The following PTPN21 variants were observed in gnomAD, a reference collection of about 807,000 sequenced individuals.
The protein encoded by PTPN21 is protein tyrosine phosphatase non-receptor type 21, also known as tyrosine-protein phosphatase non-receptor type 21.
In PTPN21, 77 loss-of-function variants were observed where a neutral mutation model predicts 131.8. That is an observed-to-expected ratio of 0.58 (90% CI 0.49 to 0.71). The LOEUF is 0.71. Ranked by LOEUF, PTPN21 falls within the 30% of genes least tolerant of loss-of-function variation. The pLI is 0.00. For synonymous variants in PTPN21, 715 were observed against 621.3 expected (o/e 1.15, Z -2.24); for missense variants, 1,552 against 1,527.1 (o/e 1.02, Z -0.27).
intron 2 of PTPN21, among the ~76,000 whole-genome samples, chr14:88,529,346 G>A (rs2078522449): frequency 6.6e-6 from 1 of 151,972 alleles, no homozygotes; most frequent in Admixed American, 6.6e-5. Context: ...TTATCTTTTT[G>A]ATATGGTGTT....
At chr14:88,472,491 C>T (rs1356713158) in intron 14 of PTPN21, 26 bp from the exon 15 acceptor site, 2 of 1,432,142 alleles carry the variant, frequency 1.4e-6, no homozygotes, top group Non-Finnish European at 2.0e-6. Flanking sequence ...TGTGTAATAA[C>T]ATGAATACAG....
intron 12 of PTPN21, among the ~76,000 whole-genome samples, chr14:88,483,903 G>C (rs1436139373): frequency 6.6e-6 from 1 of 152,162 alleles, no homozygotes; most frequent in Non-Finnish European, 1.5e-5. Context: ...GAAAGGCAGA[G>C]GCAGGAGGAT....
In PTPN21 at chr14:88,466,933, T is replaced by C. The variant is rs1482816929; in HGVS notation, c.*1204A>G. ...TCTTTAAGGCTTCTTTTAATGATACTATAATGCTGAATTTATTTATGAAAA... is the reference window on the plus strand; with the variant it reads ...TCTTTAAGGCTTCTTTTAATGATACCATAATGCTGAATTTATTTATGAAAA... On this transcript the variant is annotated 3_prime_UTR_variant, in exon 19 of 19. Coordinates refer to ENST00000556564, the MANE Select transcript of PTPN21 (RefSeq NM_007039.4). The C allele has an allele frequency of 6.6e-6, 1 of 152,186 alleles. No homozygotes were observed. The highest frequency in any genetic ancestry group is 2.4e-5 in the African/African-American group (1 of 41,444). The allele number at this position is 152,186 out of a possible 1,614,324, so 9.4% of individuals were successfully genotyped here.
Position 88,485,146 on chromosome 14 carries a change from G to A in PTPN21, c.1008C>T (p.Pro336=), listed in dbSNP as rs752814622. ...SSRMSLPKPQ[P]YVMPPPPQLH... The stretch of plus-strand genomic sequence containing the variant: ...ACTGCGGTGGGGGAGGCATCACGTA[G>A]GGCTGGGGTTTAGGCTAAGAAATGG... Residue 336 remains proline, a synonymous_variant, in exon 12 of 19, where the codon CCC becomes CCT. Transcript: ENST00000556564. The A allele has an allele frequency of 6.3e-7, 1 of 1,599,144 alleles. No homozygotes were observed. The highest frequency in any genetic ancestry group is 8.6e-7 in the Non-Finnish European group (1 of 1,169,510).
At chr14:88,528,674 T>C (rs938759824) in intron 2 of PTPN21, among the ~76,000 whole-genome samples, 2 of 152,200 alleles carry the variant, frequency 1.3e-5, no homozygotes, top group East Asian at 3.8e-4. Context: ...GGAGTTTCCC[T>C]ACACAAACTC....
At chr14:88,536,486 TCAAAG>T (rs765701787) in intron 2 of PTPN21, among the ~76,000 whole-genome samples, 2 of 152,206 alleles carry the variant, frequency 1.3e-5, no homozygotes, top group Non-Finnish European at 2.9e-5. Context: ...AGTTTTTTGT[TCAAAG>T]CAAAAGAGAG....
Position 88,485,133 on chromosome 14 carries a change from G to A in PTPN21, c.1021C>T (p.Pro341Ser), listed in dbSNP as rs753913340. 2 of 1,606,396 alleles carry A rather than the reference G, an allele frequency of 1.2e-6. No individual in the cohort carries two copies. The highest frequency in any genetic ancestry group is 1.1e-5 in the South Asian group (1 of 90,360). ...LPKPQPYVMP[P>S]PPQLHYNGHY... ...CCATTATAGTGCAACTGCGGTGGGG[G>A]AGGCATCACGTAGGGCTGGGGTTTA... is the stretch of plus-strand genomic sequence containing the variant. Residue 341 changes from proline to serine, a missense_variant, in exon 12 of 19, where the codon CCC becomes TCC. Pro to Ser is a moderately conservative substitution (Grantham distance 74). Around this residue, in one of 4 missense-constraint regions of PTPN21, gnomAD observed 1,016 missense variants for 883.5 expected, o/e 1.15. Coordinates refer to ENST00000556564, the MANE Select transcript of PTPN21 (RefSeq NM_007039.4).
At position 88,532,716 on chromosome 14, in the gene PTPN21, T is replaced by G. The variant is rs536708866; in HGVS notation, c.181-15455A>C. Among the ~76,000 whole-genome samples the G allele has an allele frequency of 2.0e-5, 3 of 152,296 alleles. No homozygotes were observed. The East Asian group carries it at 5.8e-4, about 29-fold the overall frequency. On this transcript the variant is annotated intron_variant, in intron 2 of 18. Transcript: ENST00000556564. ...ACAAATTAAAGGAAAAGGGCTTATT[T>G]AATAATAGCAAGTTGGCAGTAGAGG...
In PTPN21 at chr14:88,478,924, A is replaced by G; in HGVS notation, c.2507T>C (p.Leu836Pro). ...KKNIVEGLPP[L>P]GGMKKTRVDA... ...ACTGCTCGCCGCGTGGCTTACCCCT[A>G]GAGGCGGGAGCCCTTCCACGATGTT... is the stretch of plus-strand genomic sequence containing the variant. Residue 836 changes from leucine (L) to proline (P), a missense_variant, in exon 13 of 19, where the codon CTA becomes CCA. Coordinates refer to ENST00000556564, the MANE Select transcript of PTPN21 (RefSeq NM_007039.4). 6.8e-7 allele frequency: 1 copy of G among 1,480,874 alleles called. No homozygotes were observed. Among genetic ancestry groups the G allele is most frequent in the East Asian group, 2.5e-5 (1 of 40,526 alleles). The allele number at this position is 1,480,874 out of a possible 1,614,324, so 91.7% of individuals were successfully genotyped here. A position where few individuals can be genotyped will look rare whatever the true frequency, so the allele number is the denominator to read the frequency against.
chr14:88,534,584 T>C (rs886790745), intron 2 of PTPN21, among the ~76,000 whole-genome samples: 1 of 152,138 alleles, frequency 6.6e-6, no homozygotes, highest in African/African-American at 2.4e-5. Context: ...GGTTAATTTA[T>C]TATCGAAGGC....
intron 2 of PTPN21, among the ~76,000 whole-genome samples, chr14:88,533,230 C>A (rs1410662400): frequency 6.6e-6 from 1 of 152,136 alleles, no homozygotes; most frequent in Non-Finnish European, 1.5e-5. Context: ...TTGGTACCTG[C>A]TGTTATTTGT....
intron 13 of PTPN21, among the ~76,000 whole-genome samples, chr14:88,477,083 G>C (rs1353900829): frequency 6.6e-6 from 1 of 152,042 alleles, no homozygotes; most frequent in Non-Finnish European, 1.5e-5. Flanking sequence ...CTGTCCAGCT[G>C]GCTCAGGGAT....
chr14:88,479,662 C>T lies in PTPN21; in HGVS notation c.1769G>A (p.Ser590Asn). ...GCGCCGCGTGATGAGGTCGGGGTTG[C>T]TGCTGCTGATGTAAAGGTGGCGGGA... ...DLSRHLYISS[S>N]NPDLITRRVH... Residue 590 changes from serine (S) to asparagine (N), a missense_variant, in exon 13 of 19, where the codon AGC becomes AAC. Coordinates refer to ENST00000556564, the MANE Select transcript of PTPN21 (RefSeq NM_007039.4). 2 of 1,387,220 alleles carry T rather than the reference C, an allele frequency of 1.4e-6. No homozygotes were observed. Among genetic ancestry groups the T allele is most frequent in the Non-Finnish European group, 1.9e-6 (2 of 1,055,084 alleles). The allele number at this position is 1,387,220 out of a possible 1,614,324, so 85.9% of individuals were successfully genotyped here. A position where few individuals can be genotyped will look rare whatever the true frequency, so the allele number is the denominator to read the frequency against.
intron 6 of PTPN21, among the ~76,000 whole-genome samples, chr14:88,503,471 T>TGACTTTC (rs1308224189): frequency 6.6e-6 from 1 of 152,222 alleles, no homozygotes; most frequent in Non-Finnish European, 1.5e-5. Context: ...TTCAACTGAA[T>TGACTTTC]GACTTTCAAC....
chr14:88,481,852 T>C (rs2077657165), intron 12 of PTPN21, among the ~76,000 whole-genome samples: 1 of 152,180 alleles, frequency 6.6e-6, no homozygotes, highest in Admixed American at 6.5e-5. Context: ...CACCCCTTGA[T>C]ATCAGGCACA....
rs377024932 is a variant in PTPN21, at chr14:88,480,364, G to A, written c.1079-12C>T. 3.1e-5 allele frequency: 49 copies of A among 1,586,634 alleles called. No individual in the cohort carries two copies. Among genetic ancestry groups the A allele is most frequent in the Non-Finnish European group, 4.0e-5 (46 of 1,159,344 alleles). On this transcript the variant is annotated splice_polypyrimidine_tract_variant and intron_variant, in intron 12 of 18. Coordinates refer to ENST00000556564, the MANE Select transcript of PTPN21 (RefSeq NM_007039.4). ...CACAAAGAGGTTATCTAGAAAAAAT[G>A]AGTTCAAAATGAGATTTTTTTAAAT...
intron 2 of PTPN21, among the ~76,000 whole-genome samples, chr14:88,535,606 T>C (rs1347961182): frequency 6.6e-6 from 1 of 152,224 alleles, no homozygotes; most frequent in African/African-American, 2.4e-5. Flanking sequence ...CTTACCTTTG[T>C]CATGGTACCT....
Position 88,468,967 on chromosome 14 carries a change from A to G in PTPN21, c.3345T>C (p.Thr1115=). The G allele has an allele frequency of 6.2e-7, 1 of 1,614,212 alleles. No individual in the cohort carries two copies. The highest frequency in any genetic ancestry group is 8.5e-7 in the Non-Finnish European group (1 of 1,180,034). ...LVHCSAGVGR[T]GVVILSEIMI... Reference sequence around the variant, plus strand: ...TGATCTCCGACAAAATCACCACGCCAGTCCTTCCTACCCCAGCACTGCAGT... The same window carrying G: ...TGATCTCCGACAAAATCACCACGCCGGTCCTTCCTACCCCAGCACTGCAGT... The change falls in exon 18 of 19, where the codon ACT becomes ACC. Residue 1115 remains threonine, a synonymous_variant. Coordinates refer to ENST00000556564, the MANE Select transcript of PTPN21 (RefSeq NM_007039.4).
intron 12 of PTPN21, among the ~76,000 whole-genome samples, chr14:88,483,990 G>A (rs1595357559): frequency 1.3e-5 from 2 of 151,720 alleles, no homozygotes. Context: ...GGGTTCAGGG[G>A]AGAAAGACAA....
Sources: gnomAD v4.1 joint callset for allele counts (sites outside exome capture counted in the v4.1 genomes callset) on GRCh38, gnomAD v4.1.1 for gene constraint, gnomAD v4.1.1 regional missense constraint, MANE v1.5 for transcripts, NCBI Gene and HGNC (gene_info 2026-07-23, HGNC 2026-07-21) for gene names.